CCDC30: variants seen among roughly 807,000 people sequenced by gnomAD.
The protein encoded by CCDC30 is coiled-coil domain containing 30.
CCDC30 carries 70 observed loss-of-function variants against 100.2 expected under a neutral mutation model. The ratio of observed to expected loss-of-function variants is 0.70; its 90% CI spans 0.58 to 0.85. The LOEUF (loss-of-function observed/expected upper bound fraction) is 0.85, where lower values mean the gene tolerates loss of function less well. Ranked by LOEUF, CCDC30 falls within the 40% of genes least tolerant of loss-of-function variation. CCDC30 has a pLI of 0.00. For synonymous variants in CCDC30, 233 were observed against 269.5 expected, an observed-to-expected ratio of 0.86 and a Z score of 1.33; for missense variants, 652 against 771.2, an observed-to-expected ratio of 0.85 and a Z score of 1.83.
At chr1:42,500,194 T>C in intron 6 of CCDC30, 5 of 1,520,422 alleles carry the variant, frequency 3.3e-6, no homozygotes, top group Non-Finnish European at 3.6e-6. Flanking sequence ...ATATTGGCGG[T>C]GCACGCCTCA....
intron 7 of CCDC30, among the ~76,000 whole-genome samples, chr1:42,576,038 G>C (rs1645829997): frequency 6.6e-6 from 1 of 152,232 alleles, no homozygotes; most frequent in Non-Finnish European, 1.5e-5. Context: ...AGATAGACAA[G>C]GGCCAGAGTG....
At chr1:42,561,143 G>T (rs555035954) in intron 6 of CCDC30, among the ~76,000 whole-genome samples, 23 of 152,190 alleles carry the variant, frequency 1.5e-4, no homozygotes, top group Admixed American at 5.2e-4. Context: ...ACCATGAAGA[G>T]ACACAACAAA....
At chr1:42,462,112 G>A (rs921859592), upstream of CCDC30, among the ~76,000 whole-genome samples, 2 of 151,734 alleles carry the variant, frequency 1.3e-5, no homozygotes, top group African/African-American at 2.4e-5. Context: ...TCTTGTTAAC[G>A]CTTAAAAACA....
intron 13 of CCDC30, 72 bp from the exon 18 acceptor site, chr1:42,644,621 G>T: frequency 1.2e-6 from 1 of 863,386 alleles, no homozygotes; most frequent in South Asian, 1.4e-5. Flanking sequence ...AGTGGGAAGT[G>T]GGATGTAGTT....
chr1:42,609,490 TG>T (rs1646575143), intron 10 of CCDC30, among the ~76,000 whole-genome samples: 1 of 152,172 alleles, frequency 6.6e-6, no homozygotes, highest in African/African-American at 2.4e-5. Context: ...ACTCTCATGT[TG>T]TTCAGGGGTT....
chr1:42,587,105 C>G (rs1411867452), intron 9 of CCDC30, among the ~76,000 whole-genome samples: 2 of 152,170 alleles, frequency 1.3e-5, no homozygotes, highest in Non-Finnish European at 1.5e-5. Flanking sequence ...TCAAGCACTT[C>G]GCCCACCTCA....
intron 6 of CCDC30, among the ~76,000 whole-genome samples, chr1:42,520,337 CT>C (rs536492306): frequency 1.7e-3 from 247 of 144,234 alleles, no homozygotes; most frequent in African/African-American, 3.7e-3. Context: ...TTTCTTTTCT[CT>C]TTTTTTTTTT....
At chr1:42,561,578 T>C (rs1233988301) in intron 6 of CCDC30, among the ~76,000 whole-genome samples, 1 of 152,118 alleles carries the variant, frequency 6.6e-6, no homozygotes, top group Non-Finnish European at 1.5e-5. Flanking sequence ...ACCATACCTA[T>C]TCAATATAGT....
intron 6 of CCDC30, among the ~76,000 whole-genome samples, chr1:42,558,595 C>CT (rs1645421815): frequency 6.6e-6 from 1 of 152,138 alleles, no homozygotes; most frequent in African/African-American, 2.4e-5. Flanking sequence ...TCCAGGATCA[C>CT]CCATTGATAA....
At chr1:42,525,124 G>C (rs1644704957) in intron 6 of CCDC30, among the ~76,000 whole-genome samples, 2 of 151,860 alleles carry the variant, frequency 1.3e-5, no homozygotes, top group African/African-American at 4.8e-5. Context: ...AGTTTCTCTT[G>C]GTTTTCTTAG....
intron 4 of CCDC30, 92 bp downstream of exon 4, chr1:42,490,321 C>T (rs1402514930): frequency 1.9e-6 from 1 of 528,500 alleles, no homozygotes; most frequent in African/African-American, 2.0e-5. Flanking sequence ...AGGCTTGGGC[C>T]CAGGAGTTGG....
At chr1:42,456,780 C>A in the CCDC30 span, 1 of 1,612,882 alleles carries the variant, frequency 6.2e-7, no homozygotes, top group Non-Finnish European at 8.5e-7. Context: ...TCGGCCGAGG[C>A]CTTCCTAGCC....
intron 6 of CCDC30, among the ~76,000 whole-genome samples, chr1:42,521,424 T>C (rs946958645): frequency 1.3e-5 from 2 of 152,262 alleles, no homozygotes; most frequent in African/African-American, 2.4e-5. Flanking sequence ...GAAGATACTT[T>C]GTATGATATC....
At chr1:42,465,807 A>G (rs1431355960) in intron 1 of CCDC30, among the ~76,000 whole-genome samples, 2 of 152,198 alleles carry the variant, frequency 1.3e-5, no homozygotes, top group Non-Finnish European at 2.9e-5. Context: ...ATGCTGCTCC[A>G]TATCTTAATA....
At chr1:42,517,689 G>A (rs1644576660) in intron 6 of CCDC30, among the ~76,000 whole-genome samples, 1 of 151,864 alleles carries the variant, frequency 6.6e-6, no homozygotes, top group East Asian at 1.9e-4. Context: ...CATCGTCTTT[G>A]CACTCTTGTT....
chr1:42,614,185 T>C lies in CCDC30; in HGVS notation c.1277+3095T>C, dbSNP rs565289583. 1.2e-3 allele frequency among the ~76,000 whole-genome samples: 186 copies of C among 150,920 alleles called. 1 individual carries two copies. The highest frequency in any genetic ancestry group is 4.4e-3 in the African/African-American group (181 of 41,118). ...AAGCTCCACCTCCTGGGTTCACGCC[T>C]TTCTCCTGCCTCAGCCTCCCGAGTA... On this transcript the variant is annotated intron_variant, in intron 11 of 16. Coordinates refer to ENST00000668663, the Ensembl canonical transcript of CCDC30.
At chr1:42,615,307 G>GT (rs1646704890) in intron 11 of CCDC30, among the ~76,000 whole-genome samples, 1 of 152,082 alleles carries the variant, frequency 6.6e-6, no homozygotes, top group Non-Finnish European at 1.5e-5. Context: ...TTGTTTGTTT[G>GT]TTTTTTGAGA....
chr1:42,456,170 G>A, the CCDC30 span: 3 of 621,132 alleles, frequency 4.8e-6, no homozygotes, highest in African/African-American at 5.5e-5. Context: ...AAAAGGGGAA[G>A]AAAGAAAGAA....
exon 17 of CCDC30, chr1:42,653,955 C>T: frequency 1.2e-6 from 2 of 1,614,010 alleles, no homozygotes; most frequent in Non-Finnish European, 1.7e-6. Flanking sequence ...AATTCTGAGG[C>T]TGGATACATA....
Sources: gnomAD v4.1 joint callset for allele counts (sites outside exome capture counted in the v4.1 genomes callset) on GRCh38, gnomAD v4.1.1 for gene constraint, MANE v1.5 for transcripts, NCBI Gene and HGNC (gene_info 2026-07-23, HGNC 2026-07-21) for gene names.